AK5: variants seen among roughly 807,000 people sequenced by gnomAD.
The protein encoded by AK5 is adenylate kinase 5.
AK5 carries 27 observed loss-of-function variants against 69.5 expected under a neutral mutation model. The ratio of observed to expected loss-of-function variants is 0.39; its 90% confidence interval spans 0.29 to 0.54. The LOEUF (loss-of-function observed/expected upper bound fraction) is 0.54. Ranked by LOEUF, AK5 falls within the 20% of genes least tolerant of loss-of-function variation. The pLI is 0.71. For synonymous variants in AK5, 260 were observed against 244.4 expected (o/e 1.06, Z -0.60); for missense variants, 531 against 700.4 (o/e 0.76, Z 2.73).
chr1:77,481,491 C>T (rs192028487), intron 8 of AK5, among the ~76,000 whole-genome samples: 15 of 152,314 alleles, frequency 9.8e-5, no homozygotes, highest in Non-Finnish European at 1.8e-4. Context: ...GCACTGAATG[C>T]ACAGGCAACT....
chr1:77,486,184 T>G, intron 9 of AK5, 124 bp from the exon 10 acceptor site: 1 of 633,312 alleles, frequency 1.6e-6, no homozygotes, highest in South Asian at 1.7e-5. Flanking sequence ...ATTCACACAT[T>G]TATTCAACTT....
At chr1:77,550,473 C>A (rs7411262) in intron 13 of AK5, among the ~76,000 whole-genome samples, 1 of 152,128 alleles carries the variant, frequency 6.6e-6, no homozygotes, top group Non-Finnish European at 1.5e-5. Flanking sequence ...GGACGTATTA[C>A]TTTTAAGTTT....
At chr1:77,443,260 A>G (rs1209163764) in intron 8 of AK5, among the ~76,000 whole-genome samples, 1 of 152,092 alleles carries the variant, frequency 6.6e-6, no homozygotes, top group Non-Finnish European at 1.5e-5. Flanking sequence ...GGGGTGCTCA[A>G]CTGGTATTTA....
intron 5 of AK5, among the ~76,000 whole-genome samples, chr1:77,306,494 G>GTTTTTTTTTTT (rs869202567): frequency 1.7e-5 from 2 of 120,366 alleles, no homozygotes; most frequent in African/African-American, 6.2e-5. Flanking sequence ...GTTTTTTTTT[G>GTTTTTTTTTTT]TTTTTTTTTT....
intron 10 of AK5, among the ~76,000 whole-genome samples, chr1:77,490,841 C>T (rs917245350): frequency 6.0e-5 from 9 of 149,092 alleles, no homozygotes; most frequent in East Asian, 2.0e-4. Context: ...TTTATTCTGG[C>T]GTCTTTTTCC....
chr1:77,423,225 AAAAAAT>A (rs1650962620), intron 8 of AK5, among the ~76,000 whole-genome samples: 1 of 131,922 alleles, frequency 7.6e-6, no homozygotes, highest in African/African-American at 2.5e-5. Flanking sequence ...CGTCTAAAAA[AAAAAAT>A]AAAAAAAAAA....
At chr1:77,443,899 A>G (rs1570139199) in intron 8 of AK5, among the ~76,000 whole-genome samples, 2 of 152,032 alleles carry the variant, frequency 1.3e-5, no homozygotes. Context: ...AGATTGACAC[A>G]TATGTCATCT....
chr1:77,310,632 C>T (rs1055432677), intron 5 of AK5, among the ~76,000 whole-genome samples: 2 of 152,086 alleles, frequency 1.3e-5, no homozygotes, highest in Non-Finnish European at 2.9e-5. Context: ...CCACCCGCCT[C>T]GGCCTCCCAA....
chr1:77,404,548 T>G (rs568154375), intron 6 of AK5, among the ~76,000 whole-genome samples: 2 of 152,310 alleles, frequency 1.3e-5, no homozygotes, highest in East Asian at 3.9e-4. Flanking sequence ...TAAGTGGCAA[T>G]TATGATAATA....
At chr1:77,549,332 G>A (rs1659695384) in intron 13 of AK5, among the ~76,000 whole-genome samples, 1 of 151,758 alleles carries the variant, frequency 6.6e-6, no homozygotes, top group African/African-American at 2.4e-5. Flanking sequence ...GTACATATTG[G>A]GTGTATATAT....
chr1:77,506,254 T>TGGTTGGTTGGTG (rs1407579056), intron 10 of AK5, among the ~76,000 whole-genome samples: 22 of 151,634 alleles, frequency 1.5e-4, no homozygotes, highest in Admixed American at 3.9e-4. Flanking sequence ...GTTGGTTGGT[T>TGGTTGGTTGGTG]GTTTTTTTTC....
chr1:77,383,378 G>C (rs1372633927), intron 6 of AK5, among the ~76,000 whole-genome samples: 1 of 152,052 alleles, frequency 6.6e-6, no homozygotes, highest in Non-Finnish European at 1.5e-5. Flanking sequence ...AATAAAGAAA[G>C]ACAAAGATTA....
chr1:77,515,543 T>C (rs1243466919), intron 10 of AK5, among the ~76,000 whole-genome samples: 1 of 152,176 alleles, frequency 6.6e-6, no homozygotes, highest in Non-Finnish European at 1.5e-5. Context: ...ATGTGCAAAG[T>C]GCTGTGTGAT....
At chr1:77,479,666 T>C (rs1048835903) in intron 8 of AK5, among the ~76,000 whole-genome samples, 10 of 152,078 alleles carry the variant, frequency 6.6e-5, no homozygotes, top group African/African-American at 2.4e-4. Flanking sequence ...CTCTCTCTCT[T>C]TGTCAGTTCA....
At chr1:77,543,926 T>TACACACACAC (rs142574877) in intron 13 of AK5, among the ~76,000 whole-genome samples, 4 of 147,882 alleles carry the variant, frequency 2.7e-5, no homozygotes, top group African/African-American at 7.4e-5. Flanking sequence ...TATGTGAGAG[T>TACACACACAC]ACACACACAC....
intron 8 of AK5, among the ~76,000 whole-genome samples, chr1:77,464,734 C>T (rs1654037879): frequency 6.6e-6 from 1 of 152,078 alleles, no homozygotes; most frequent in Admixed American, 6.6e-5. Context: ...AGAGCGATAA[C>T]ATGGAAACAT....
intron 6 of AK5, among the ~76,000 whole-genome samples, chr1:77,402,612 A>G (rs1439223876): frequency 6.6e-6 from 1 of 152,016 alleles, no homozygotes; most frequent in Non-Finnish European, 1.5e-5. Context: ...ATGTCCCTAC[A>G]AAGGACACGA....
chr1:77,537,545 A>G (rs756163875), intron 13 of AK5, among the ~76,000 whole-genome samples: 20 of 152,108 alleles, frequency 1.3e-4, no homozygotes, highest in Non-Finnish European at 1.9e-4. Context: ...GAACAAATCC[A>G]TAAGGATGAC....
chr1:77,320,283 A>G (rs1273860358), intron 5 of AK5, among the ~76,000 whole-genome samples: 2 of 152,136 alleles, frequency 1.3e-5, no homozygotes, highest in African/African-American at 2.4e-5. Flanking sequence ...GGGAACTACA[A>G]TTCAAGATGA....
Sources: gnomAD v4.1 joint callset for allele counts (sites outside exome capture counted in the v4.1 genomes callset) on GRCh38, gnomAD v4.1.1 for gene constraint, MANE v1.5 for transcripts, NCBI Gene and HGNC (gene_info 2026-07-23, HGNC 2026-07-21) for gene names.